The following NFATC1 variants were observed in gnomAD, a reference collection of about 807,000 sequenced individuals.
The protein encoded by NFATC1 is nuclear factor of activated T-cells, cytoplasmic 1.
NFATC1 carries 22 observed loss-of-function variants against 76.0 expected under a neutral mutation model. The observed-to-expected ratio is 0.29, with a 90% CI of 0.21 to 0.41. The LOEUF is 0.41. NFATC1 is among the 10% of genes least tolerant of loss of function. NFATC1 has a pLI of 1.00. For missense variants in NFATC1, 1,357 were observed against 1,337.7 expected (o/e 1.01, Z -0.23); for synonymous variants, 704 against 613.1 (o/e 1.15, Z -2.19).
chr18:79,397,845 C>T (rs1177277903), intron 1 of NFATC1, among the ~76,000 whole-genome samples: 1 of 152,174 alleles, frequency 6.6e-6, no homozygotes, highest in Non-Finnish European at 1.5e-5. Flanking sequence ...GTGTTTCCTA[C>T]TGAAGAAAAT....
intron 9 of NFATC1, among the ~76,000 whole-genome samples, chr18:79,523,710 T>G (rs1361351921): frequency 2.0e-5 from 3 of 152,188 alleles, no homozygotes; most frequent in African/African-American, 4.8e-5. Context: ...CGAGGGAGGC[T>G]CTCAGCCTGC....
chr18:79,443,336 C>T (rs2087059333), intron 3 of NFATC1, among the ~76,000 whole-genome samples: 1 of 152,228 alleles, frequency 6.6e-6, no homozygotes, highest in Admixed American at 6.5e-5. Flanking sequence ...ACACACACCG[C>T]CCTGAGAGCT....
intron 9 of NFATC1, among the ~76,000 whole-genome samples, chr18:79,498,760 G>A (rs1442481915): frequency 3.3e-5 from 5 of 152,330 alleles, no homozygotes; most frequent in East Asian, 3.9e-4. Flanking sequence ...AGACAATCCC[G>A]AAAGCAGTGA....
chr18:79,487,803 C>T (rs1053783625), intron 9 of NFATC1, among the ~76,000 whole-genome samples: 5 of 149,480 alleles, frequency 3.3e-5, no homozygotes, highest in Non-Finnish European at 5.9e-5. Context: ...TCTGGCCCTG[C>T]GGTTTGTGTG....
chr18:79,455,029 G>A (rs532798515), intron 6 of NFATC1, among the ~76,000 whole-genome samples: 9 of 152,350 alleles, frequency 5.9e-5, no homozygotes, highest in Admixed American at 2.0e-4. Flanking sequence ...AAGAACGCCC[G>A]CGTGAAACGT....
At chr18:79,452,069 C>A in intron 6 of NFATC1, 1 of 386,580 alleles carries the variant, frequency 2.6e-6, no homozygotes, top group Non-Finnish European at 4.6e-6. Context: ...GCACTCACAT[C>A]GCTGCTGATA....
chr18:79,400,566 C>T, intron 1 of NFATC1: 1 of 1,197,894 alleles, frequency 8.3e-7, no homozygotes, highest in Non-Finnish European at 1.1e-6. Context: ...TCGTCGCTCC[C>T]CGGGGACCCC....
chr18:79,427,553 C>T (rs1325790911), intron 2 of NFATC1, among the ~76,000 whole-genome samples: 1 of 75,802 alleles, frequency 1.3e-5, no homozygotes, highest in Non-Finnish European at 2.4e-5. Flanking sequence ...AGCTGGACGG[C>T]TGGCCTCTGT....
intron 2 of NFATC1, among the ~76,000 whole-genome samples, chr18:79,416,204 C>T (rs1177064853): frequency 6.6e-6 from 1 of 152,242 alleles, no homozygotes; most frequent in Admixed American, 6.5e-5. Flanking sequence ...TCTTGTGTTT[C>T]ATAAGTTATC....
At chr18:79,419,515 G>C (rs1197985061) in intron 2 of NFATC1, among the ~76,000 whole-genome samples, 1 of 146,108 alleles carries the variant, frequency 6.8e-6, no homozygotes, top group Non-Finnish European at 1.5e-5. Context: ...CTGCCCGGGA[G>C]CCCCCCTAGG....
intron 8 of NFATC1, among the ~76,000 whole-genome samples, chr18:79,473,859 G>A (rs74992319): frequency 0.02 from 2,849 of 140,774 alleles, no homozygotes; most frequent in African/African-American, 0.078. Flanking sequence ...CACTGTCAAC[G>A]TTGTAAACCT....
rs774191442 is a variant in NFATC1, at chr18:79,451,060, G to A, written c.1696G>A (p.Val566Ile). The change falls in exon 5 of 10, where the codon GTT becomes ATT. Residue 566 changes from valine to isoleucine, a missense_variant. Val to Ile is a conservative substitution (Grantham distance 29). Transcript: ENST00000427363. ...KNTRVRLVFR[V>I]HVPQPSGRTL... ...CACACGGGTACGGCTGGTGTTCCGC[G>A]TTCACGTCCCGCAACCCAGCGGCCG... The A allele has an allele frequency of 2.2e-5, 36 of 1,613,162 alleles. No homozygotes were observed. The highest frequency in any genetic ancestry group is 2.1e-4 in the African/African-American group (16 of 74,958).
chr18:79,428,952 G>A (rs1339874602), intron 2 of NFATC1, among the ~76,000 whole-genome samples: 1 of 152,214 alleles, frequency 6.6e-6, no homozygotes, highest in African/African-American at 2.4e-5. Flanking sequence ...TGGGCACAGT[G>A]GCTCACGCCT....
intron 1 of NFATC1, among the ~76,000 whole-genome samples, chr18:79,405,151 G>A (rs539600904): frequency 5.1e-4 from 77 of 152,324 alleles, no homozygotes; most frequent in African/African-American, 1.7e-3. Flanking sequence ...TGAGCGAGCC[G>A]GTGAGGATCA....
chr18:79,478,975 TC>T (rs1353905509), intron 8 of NFATC1, among the ~76,000 whole-genome samples: 1 of 152,094 alleles, frequency 6.6e-6, no homozygotes, highest in African/African-American at 2.4e-5. Flanking sequence ...CCACAGACAG[TC>T]CCCATGGACG....
chr18:79,510,556 G>A (rs949681230), intron 9 of NFATC1, among the ~76,000 whole-genome samples: 1 of 152,234 alleles, frequency 6.6e-6, no homozygotes, highest in Non-Finnish European at 1.5e-5. Flanking sequence ...GGAGGAACAG[G>A]GATGGGCCTG....
chr18:79,469,731 T>C (rs924871309), intron 8 of NFATC1: 1 of 985,836 alleles, frequency 1.0e-6, no homozygotes, highest in Non-Finnish European at 1.2e-6. Context: ...TCCCTCTCTT[T>C]GCCTCCGTCG....
At chr18:79,502,922 A>G (rs1050854094) in intron 9 of NFATC1, among the ~76,000 whole-genome samples, 1 of 152,204 alleles carries the variant, frequency 6.6e-6, no homozygotes, top group Non-Finnish European at 1.5e-5. Context: ...TTCTTAAAGA[A>G]ATTTCTTAGA....
chr18:79,439,493 T>C (rs1410982151), intron 3 of NFATC1, among the ~76,000 whole-genome samples: 4 of 152,264 alleles, frequency 2.6e-5, no homozygotes, highest in Non-Finnish European at 5.9e-5. Flanking sequence ...TAATTTTTTA[T>C]GAGTCTGCCT....
Sources: allele counts gnomAD v4.1 joint callset (sites outside exome capture counted in the v4.1 genomes callset), GRCh38; gene constraint gnomAD v4.1.1; transcripts MANE v1.5; gene names NCBI Gene and HGNC (gene_info 2026-07-23, HGNC 2026-07-21).